Variants in VPS13A observed in about 807,000 individuals in gnomAD.
VPS13A encodes the protein vacuolar protein sorting 13 homolog A.
Under a neutral mutation model 390.9 loss-of-function variants are expected in VPS13A, and 264 were observed. That is an observed-to-expected ratio of 0.68 (90% CI 0.61 to 0.75). The LOEUF is 0.75. VPS13A is among the 30% of genes least tolerant of loss of function. The pLI is 0.00. For missense variants in VPS13A, 3,409 were observed against 3,733.9 expected, an observed-to-expected ratio of 0.91 and a Z score of 2.27; for synonymous variants, 1,231 against 1,227.1, an observed-to-expected ratio of 1.00 and a Z score of -0.07.
chr9:77,299,578 A>G (rs926319134), intron 33 of VPS13A, among the ~76,000 whole-genome samples: 1 of 152,240 alleles, frequency 6.6e-6, no homozygotes, highest in African/African-American at 2.4e-5. Context: ...TATTGGGTAT[A>G]TACCCAACGG....
chr9:77,257,107 G>A (rs369373151), intron 22 of VPS13A, among the ~76,000 whole-genome samples: 1 of 152,004 alleles, frequency 6.6e-6, no homozygotes. Flanking sequence ...TGTGTTCAGT[G>A]GATTTTTGTG....
intron 26 of VPS13A, among the ~76,000 whole-genome samples, chr9:77,278,671 C>T (rs1404221854): frequency 6.6e-6 from 1 of 152,134 alleles, no homozygotes; most frequent in Non-Finnish European, 1.5e-5. Flanking sequence ...GTTTGGAGAA[C>T]TCTGTGCAAT....
intron 26 of VPS13A, among the ~76,000 whole-genome samples, chr9:77,276,482 C>A (rs1236128998): frequency 6.6e-6 from 1 of 152,120 alleles, no homozygotes; most frequent in East Asian, 1.9e-4. Flanking sequence ...AGTATTGGAA[C>A]ACTTAATTAG....
intron 4 of VPS13A, among the ~76,000 whole-genome samples, 192 bp downstream of exon 4, chr9:77,205,600 A>ATTG: frequency 6.7e-6 from 1 of 149,872 alleles, no homozygotes; most frequent in African/African-American, 2.5e-5. Flanking sequence ...ATTTATTATT[A>ATTG]TTTTTTTTTA....
intron 4 of VPS13A, among the ~76,000 whole-genome samples, 174 bp from the exon 5 acceptor site, chr9:77,205,804 C>G (rs1453656241): frequency 6.6e-6 from 1 of 152,034 alleles, no homozygotes; most frequent in African/African-American, 2.4e-5. Flanking sequence ...GTTGGCCAGG[C>G]TGGTTTCGAA....
At position 77,365,459 on chromosome 9, in the gene VPS13A, G is replaced by A; in HGVS notation, c.8212-1G>A. ...TTTAATATTTTGTGTTCCTTTTATAGGTTGAGCTTTTTCATAAAGATATAG... is the reference window on the plus strand; with the variant it reads ...TTTAATATTTTGTGTTCCTTTTATAAGTTGAGCTTTTTCATAAAGATATAG... On this transcript the variant is annotated splice_acceptor_variant, in intron 59 of 71. Coordinates refer to ENST00000360280, the MANE Select transcript of VPS13A (RefSeq NM_033305.3). LOFTEE classifies it high-confidence loss of function. 1 of 1,589,352 alleles carries A rather than the reference G, an allele frequency of 6.3e-7. No homozygotes were observed. The highest frequency in any genetic ancestry group is 8.6e-7 in the Non-Finnish European group (1 of 1,158,338).
chr9:77,407,638 G>GAGCT, intron 71 of VPS13A, 31 bp downstream of exon 71: 1 of 1,507,784 alleles, frequency 6.6e-7, no homozygotes, highest in South Asian at 1.1e-5. Flanking sequence ...ATTTAAATAG[G>GAGCT]AGCTGCTCAC....
intron 35 of VPS13A, 74 bp downstream of exon 35, chr9:77,308,172 T>C: frequency 1.3e-6 from 2 of 1,503,234 alleles, no homozygotes; most frequent in Non-Finnish European, 1.8e-6. Context: ...TCCCTCCCCT[T>C]CCTTCTGTCT....
At chr9:77,222,632 C>A (rs1823284147) in intron 13 of VPS13A, among the ~76,000 whole-genome samples, 1 of 152,096 alleles carries the variant, frequency 6.6e-6, no homozygotes, top group Non-Finnish European at 1.5e-5. Flanking sequence ...TTATTCCTGT[C>A]TATGTGTCAC....
Position 77,220,345 on chromosome 9 carries a change from C to T in VPS13A, c.951C>T (p.Phe317=). 1 of 1,611,272 alleles carries T rather than the reference C, an allele frequency of 6.2e-7. No individual in the cohort carries two copies. The highest frequency in any genetic ancestry group is 8.5e-7 in the Non-Finnish European group (1 of 1,178,860). ...CACAAAATCTGCCATATAGGAAGTT[C>T]AAACCTGATGTGCCTCTTCACCACC... is the stretch of plus-strand genomic sequence containing the variant. The part of the protein sequence containing the change: ...MMAQNLPYRK[F]KPDVPLHHHA... Residue 317 remains phenylalanine, a synonymous_variant, in exon 12 of 72, where the codon TTC becomes TTT. Coordinates refer to ENST00000360280, the MANE Select transcript of VPS13A (RefSeq NM_033305.3).
At chr9:77,349,893 C>T (rs575373608) in intron 52 of VPS13A, among the ~76,000 whole-genome samples, 4 of 152,282 alleles carry the variant, frequency 2.6e-5, no homozygotes, top group African/African-American at 9.6e-5. Flanking sequence ...ATCCACCTGC[C>T]TCGACCTCCG....
At chr9:77,235,333 CA>C (rs1303369967) in intron 17 of VPS13A, among the ~76,000 whole-genome samples, 9 of 152,120 alleles carry the variant, frequency 5.9e-5, no homozygotes, top group African/African-American at 2.2e-4. Flanking sequence ...TCTTGGTTGA[CA>C]TTTTTTTTCA....
At chr9:77,375,291 A>G (rs1206209529) in intron 67 of VPS13A, among the ~76,000 whole-genome samples, 1 of 152,220 alleles carries the variant, frequency 6.6e-6, no homozygotes, top group African/African-American at 2.4e-5. Context: ...CTGTGAAAAA[A>G]GACACTGAAA....
intron 1 of VPS13A, among the ~76,000 whole-genome samples, chr9:77,187,567 GGTT>G (rs1824412510): frequency 1.3e-5 from 2 of 151,248 alleles, no homozygotes; most frequent in African/African-American, 4.9e-5. Flanking sequence ...CTTTTAATCA[GGTT>G]GTTTGTTTTT....
intron 67 of VPS13A, among the ~76,000 whole-genome samples, chr9:77,373,774 T>G (rs975017727): frequency 2.8e-4 from 43 of 151,222 alleles, no homozygotes; most frequent in African/African-American, 9.9e-4. Flanking sequence ...TACAATGAAC[T>G]CAAACAAATT....
At chr9:77,260,249 T>C (rs1564672888) in intron 23 of VPS13A, 25 bp downstream of exon 23, 4 of 1,605,426 alleles carry the variant, frequency 2.5e-6, no homozygotes, top group Non-Finnish European at 2.6e-6. Flanking sequence ...AAAATTAATA[T>C]AAGCATGAAT....
intron 16 of VPS13A, 144 bp downstream of exon 16, chr9:77,227,629 A>C (rs1587370776): frequency 3.3e-6 from 2 of 608,472 alleles, no homozygotes; most frequent in Non-Finnish European, 2.8e-6. Context: ...CAATCCTCCC[A>C]CCTCAGCCTC....
chr9:77,337,795 A>G, intron 47 of VPS13A: 1 of 359,182 alleles, frequency 2.8e-6, no homozygotes, highest in Non-Finnish European at 5.0e-6. Context: ...AAGATTGTAT[A>G]CTTTGTGAAG....
chr9:77,197,910 G>A (rs185231495), intron 1 of VPS13A, among the ~76,000 whole-genome samples: 7 of 152,148 alleles, frequency 4.6e-5, no homozygotes, highest in Non-Finnish European at 1.0e-4. Context: ...ATGCTGATCA[G>A]CAATAATTTT....
Sources: allele counts gnomAD v4.1 joint callset (sites outside exome capture counted in the v4.1 genomes callset), GRCh38; gene constraint gnomAD v4.1.1; transcripts MANE v1.5; gene names NCBI Gene and HGNC (gene_info 2026-07-23, HGNC 2026-07-21).